Variants in CLU observed in about 807,000 individuals in gnomAD.
The protein encoded by CLU is clusterin.
A neutral mutation model predicts 46.4 loss-of-function variants in CLU; 25 were observed. The observed-to-expected ratio is 0.54, with a 90% confidence interval of 0.39 to 0.75. The LOEUF (loss-of-function observed/expected upper bound fraction) is 0.75. CLU is among the 30% of genes least tolerant of loss of function. CLU has a pLI of 0.00. For missense variants in CLU, 504 were observed against 592.1 expected (o/e 0.85, Z 1.54); for synonymous variants, 235 against 235.1 (o/e 1.00, Z 0.00).
chr8:27,602,929 G>A lies in CLU; in HGVS notation c.934+1362C>T, dbSNP rs1218978770. Among the ~76,000 whole-genome samples the A allele has an allele frequency of 2.0e-5, 3 of 152,026 alleles. No individual in the cohort carries two copies. In the East Asian group the frequency reaches 5.9e-4, roughly 30 times the overall value. On this transcript the variant is annotated intron_variant, in intron 6 of 8. Transcript: ENST00000316403. The stretch of plus-strand genomic sequence containing the variant: ...AAAATACAAAAATTAGCTGGGTGTG[G>A]TGGTGCACACCTGCACTCCCAGCTA...
intron 1 of CLU, among the ~76,000 whole-genome samples, chr8:27,613,077 G>T (rs113644261): frequency 0.017 from 2,644 of 152,118 alleles, 80 homozygotes; most frequent in African/African-American, 0.061. Context: ...GCAGGGCAGG[G>T]CTGGAGGCTT....
chr8:27,610,383 G>A (rs571756499), intron 2 of CLU, 92 bp downstream of exon 2: 2 of 1,027,010 alleles, frequency 1.9e-6, no homozygotes, highest in African/African-American at 1.6e-5. Flanking sequence ...TAACACTGGG[G>A]CCTGATAGAG....
At chr8:27,606,320 C>T in intron 4 of CLU, 34 bp downstream of exon 4, 1 of 1,612,052 alleles carries the variant, frequency 6.2e-7, no homozygotes, top group East Asian at 2.2e-5. Flanking sequence ...CTTCCCCACT[C>T]AGAGCCTTGG....
intron 1 of CLU, among the ~76,000 whole-genome samples, chr8:27,613,296 G>T (rs143030328): frequency 6.6e-6 from 1 of 151,572 alleles, no homozygotes; most frequent in Non-Finnish European, 1.5e-5. Flanking sequence ...TGAGGCATGA[G>T]AACTGCTTGA....
In CLU at chr8:27,606,314, C is replaced by G. The variant is rs764917706; in HGVS notation, c.417+40G>C. 1.6e-5 allele frequency: 25 copies of G among 1,609,540 alleles called. No homozygotes were observed. In the South Asian group the frequency reaches 2.0e-4, roughly 13 times the overall value. On this transcript the variant is annotated intron_variant, in intron 4 of 8. Transcript: ENST00000316403. ...ATATTTCACTAGGCTCCCCTCCTTCCCCACTCAGAGCCTTGGCCACTCATG... is the reference window on the plus strand; with the variant it reads ...ATATTTCACTAGGCTCCCCTCCTTCGCCACTCAGAGCCTTGGCCACTCATG...
rs1039804940 is a variant in CLU at position 27,597,874 on chromosome 8, C to A, written c.*367G>T. On this transcript the variant is annotated 3_prime_UTR_variant, in exon 9 of 9. Coordinates refer to ENST00000316403, the MANE Select transcript of CLU (RefSeq NM_001831.4). Reference sequence around the variant, plus strand: ...CTTCACTGGTATGACAGTCCCTATACCATCTTAGCCACTGCTTTTTTGTTT... The same window carrying A: ...CTTCACTGGTATGACAGTCCCTATAACATCTTAGCCACTGCTTTTTTGTTT... 3.9e-6 allele frequency: 2 copies of A among 506,506 alleles called. No individual in the cohort carries two copies. Among genetic ancestry groups the A allele is most frequent in the Non-Finnish European group, 7.6e-6 (2 of 262,124 alleles). 31.4% of individuals were successfully genotyped at this position (506,506 alleles called of 1,614,324 possible). A position where few individuals can be genotyped will look rare whatever the true frequency, so the allele number is the denominator to read the frequency against.
chr8:27,611,762 A>T lies in CLU; in HGVS notation c.-29-1162T>A, dbSNP rs370729992. On this transcript the variant is annotated intron_variant, in intron 1 of 8. Transcript: ENST00000316403. ...AATCAGGCGCAAAGAGCCAGGGAGC[A>T]GCGTGGGAGAAGAGATGGGGTCAGC... 1.0e-4 allele frequency: 48 copies of T among 457,546 alleles called. 1 individual carries two copies. The East Asian group carries it at 1.1e-3, about 11-fold the overall frequency. 28.3% of individuals were successfully genotyped at this position (457,546 alleles called of 1,614,324 possible). A position where few individuals can be genotyped will look rare whatever the true frequency, so the allele number is the denominator to read the frequency against.
intron 6 of CLU, among the ~76,000 whole-genome samples, chr8:27,603,629 GACCA>G (rs1369470884): frequency 2.6e-5 from 4 of 152,168 alleles, no homozygotes; most frequent in Non-Finnish European, 5.9e-5. Flanking sequence ...TTGCCTAGGG[GACCA>G]ACCAACCGAC....
In CLU at chr8:27,597,926, G is replaced by A. The variant is rs1337406196; in HGVS notation, c.*315C>T. On this transcript the variant is annotated 3_prime_UTR_variant, in exon 9 of 9. Transcript: ENST00000316403. Reference sequence around the variant, plus strand: ...TACTTATTTTCCATCCCCCCTGCCTGCCCCCCATAGCAAAATGAAGGCATG... The same window carrying A: ...TACTTATTTTCCATCCCCCCTGCCTACCCCCCATAGCAAAATGAAGGCATG... The A allele has an allele frequency of 5.0e-6, 3 of 596,844 alleles. No individual in the cohort carries two copies. Among genetic ancestry groups the A allele is most frequent in the Non-Finnish European group, 9.3e-6 (3 of 321,192 alleles). 37.0% of individuals were successfully genotyped at this position (596,844 alleles called of 1,614,324 possible). A position where few individuals can be genotyped will look rare whatever the true frequency, so the allele number is the denominator to read the frequency against.
At chr8:27,608,039 C>G (rs1409983441) in intron 3 of CLU, among the ~76,000 whole-genome samples, 1 of 152,146 alleles carries the variant, frequency 6.6e-6, no homozygotes, top group Admixed American at 6.5e-5. Context: ...TGCCCCTTCC[C>G]CAGGAGCTAT....
chr8:27,609,922 A>G (rs974423096), intron 2 of CLU, among the ~76,000 whole-genome samples: 1 of 151,960 alleles, frequency 6.6e-6, no homozygotes, highest in African/African-American at 2.4e-5. Context: ...CACGTCATAT[A>G]CCTTAAATAT....
chr8:27,614,479 C>G (rs1800979295), intron 1 of CLU, 176 bp downstream of exon 1: 1 of 346,072 alleles, frequency 2.9e-6, no homozygotes, highest in Non-Finnish European at 5.6e-6. Flanking sequence ...CCTGGCTCAG[C>G]TGCCTGGTGA....
chr8:27,603,881 GT>G (rs1435253518), intron 6 of CLU, among the ~76,000 whole-genome samples: 1 of 152,220 alleles, frequency 6.6e-6, no homozygotes, highest in Non-Finnish European at 1.5e-5. Context: ...CCTCTGGTCA[GT>G]TTTGTTAAAC....
chr8:27,598,450 G>A lies in CLU; in HGVS notation c.1340+10C>T, dbSNP rs758265414. 52 of 1,613,658 alleles carry A rather than the reference G, an allele frequency of 3.2e-5. No individual in the cohort carries two copies. The highest frequency in any genetic ancestry group is 5.3e-5 in the African/African-American group (4 of 74,858). On this transcript the variant is annotated intron_variant, in intron 8 of 8. Transcript: ENST00000316403. ...CCCTGCAGGCCCGCAGGAAAGGCCC[G>A]CCTGCTTACCGGTGCTTTTTGCGGT... is the stretch of plus-strand genomic sequence containing the variant.
chr8:27,608,876 A>T, intron 3 of CLU, 62 bp downstream of exon 3: 1 of 1,592,546 alleles, frequency 6.3e-7, no homozygotes, highest in Non-Finnish European at 8.6e-7. Context: ...CCGCGCAGTG[A>T]CCCCCTCCCT....
chr8:27,601,079 G>A (rs1232227616), intron 6 of CLU, among the ~76,000 whole-genome samples: 3 of 152,042 alleles, frequency 2.0e-5, no homozygotes, highest in Admixed American at 6.6e-5. Flanking sequence ...ACAGAATTTC[G>A]CTCTTGTTTC....
intron 6 of CLU, among the ~76,000 whole-genome samples, chr8:27,600,401 A>G (rs1175724789): frequency 6.6e-6 from 1 of 151,736 alleles, no homozygotes; most frequent in Non-Finnish European, 1.5e-5. Flanking sequence ...TGCCCAGCTA[A>G]TTTTTGTATT....
chr8:27,604,261 G>T, intron 6 of CLU, 30 bp downstream of exon 6: 2 of 1,567,176 alleles, frequency 1.3e-6, no homozygotes, highest in Non-Finnish European at 1.8e-6. Context: ...GGATCAGGGG[G>T]GACGGCTTGT....
intron 8 of CLU, 82 bp from the exon 9 acceptor site, chr8:27,598,332 T>C (rs370765284): frequency 1.1e-5 from 17 of 1,601,332 alleles, no homozygotes; most frequent in African/African-American, 1.3e-5. Context: ...CCTGGCTTTG[T>C]TCTTGGGCTC....
Sources: gnomAD v4.1 joint callset for allele counts (sites outside exome capture counted in the v4.1 genomes callset) on GRCh38, gnomAD v4.1.1 for gene constraint, MANE v1.5 for transcripts, NCBI Gene and HGNC (gene_info 2026-07-23, HGNC 2026-07-21) for gene names.